Variants in CCDC73 observed in about 807,000 individuals in gnomAD.
CCDC73 encodes coiled-coil domain-containing protein 73.
A neutral mutation model predicts 116.5 loss-of-function variants in CCDC73; 95 were observed. That is an observed-to-expected ratio of 0.82 (90% CI 0.69 to 0.97). CCDC73 has a LOEUF of 0.97. CCDC73 is among the 50% of genes least tolerant of loss of function. The pLI is 0.00. For synonymous variants in CCDC73, 398 were observed against 401.3 expected (o/e 0.99, Z 0.10); for missense variants, 1,066 against 1,206.8 (o/e 0.88, Z 1.73).
intron 12 of CCDC73, among the ~76,000 whole-genome samples, chr11:32,647,702 CAG>C (rs1251571144): frequency 6.6e-6 from 1 of 151,874 alleles, no homozygotes; most frequent in Non-Finnish European, 1.5e-5. Flanking sequence ...ATTTTTCTGC[CAG>C]AGAGTTAGGC....
At chr11:32,722,525 AACAGTATATAC>A (rs1265395129) in intron 2 of CCDC73, among the ~76,000 whole-genome samples, 1 of 152,204 alleles carries the variant, frequency 6.6e-6, no homozygotes, top group African/African-American at 2.4e-5. Context: ...AATCCATACC[AACAGTATATAC>A]TACAAGATAC....
chr11:32,680,208 AAAGT>A (rs1856130940), intron 7 of CCDC73: 1 of 152,236 alleles, frequency 6.6e-6, no homozygotes, highest in Non-Finnish European at 1.5e-5. Context: ...GCAACAACAA[AAAGT>A]AAGTGGTAAT....
chr11:32,663,845 A>C (rs1247862916), intron 9 of CCDC73, among the ~76,000 whole-genome samples: 3 of 152,160 alleles, frequency 2.0e-5, no homozygotes, highest in Non-Finnish European at 4.4e-5. Flanking sequence ...TTATTTTGAG[A>C]TACATCCCAT....
intron 3 of CCDC73, among the ~76,000 whole-genome samples, chr11:32,714,233 G>C (rs930824391): frequency 2.6e-5 from 4 of 152,052 alleles, no homozygotes; most frequent in African/African-American, 7.2e-5. Flanking sequence ...CCATGACCAA[G>C]AAGGTTACCT....
the CCDC73 span, among the ~76,000 whole-genome samples, chr11:32,811,214 ATCT>A: frequency 6.6e-6 from 1 of 152,148 alleles, no homozygotes; most frequent in Non-Finnish European, 1.5e-5. Context: ...CCCTGATTAC[ATCT>A]TCTCTCCCTT....
intron 2 of CCDC73, among the ~76,000 whole-genome samples, chr11:32,724,367 C>T (rs985588962): frequency 2.6e-5 from 4 of 152,026 alleles, no homozygotes; most frequent in East Asian, 1.9e-4. Flanking sequence ...ATACATACTA[C>T]GTGATAGTAT....
At chr11:32,675,686 T>C (rs942050616) in intron 8 of CCDC73, 42 bp from the exon 9 acceptor site, 25 of 1,444,330 alleles carry the variant, frequency 1.7e-5, no homozygotes, top group Non-Finnish European at 2.1e-5. Context: ...ATATTCAATG[T>C]ATATTTCAAA....
chr11:32,754,259 A>C (rs1850312648), intron 2 of CCDC73, among the ~76,000 whole-genome samples: 1 of 152,228 alleles, frequency 6.6e-6, no homozygotes, highest in South Asian at 2.1e-4. Context: ...GAAATGAAAA[A>C]GGTAATCATT....
intron 2 of CCDC73, among the ~76,000 whole-genome samples, chr11:32,737,157 C>A (rs1850139623): frequency 6.6e-6 from 1 of 151,118 alleles, no homozygotes; most frequent in Admixed American, 6.6e-5. Flanking sequence ...CATATTAAAC[C>A]TCCCCAAAAT....
At chr11:32,733,530 C>T (rs1398918602) in intron 2 of CCDC73, among the ~76,000 whole-genome samples, 2 of 152,186 alleles carry the variant, frequency 1.3e-5, no homozygotes, top group Non-Finnish European at 1.5e-5. Context: ...TTAAGCACTC[C>T]TCAGCAAATG....
At chr11:32,622,608 C>A (rs1396094523) in intron 14 of CCDC73, among the ~76,000 whole-genome samples, 2 of 148,584 alleles carry the variant, frequency 1.3e-5, no homozygotes, top group African/African-American at 5.0e-5. Flanking sequence ...ACCACCATGG[C>A]ACACGTATAA....
At chr11:32,817,617 C>T in the CCDC73 span, among the ~76,000 whole-genome samples, 3 of 152,152 alleles carry the variant, frequency 2.0e-5, no homozygotes, top group African/African-American at 7.2e-5. Flanking sequence ...AGTAGGGTTC[C>T]TATGACACTA....
chr11:32,650,950 T>C (rs1020024620), intron 12 of CCDC73, among the ~76,000 whole-genome samples: 7 of 152,136 alleles, frequency 4.6e-5, no homozygotes, highest in African/African-American at 1.4e-4. Flanking sequence ...CTCCCTCTCT[T>C]TCAATTTGTC....
intron 2 of CCDC73, among the ~76,000 whole-genome samples, chr11:32,742,975 G>C (rs945523409): frequency 1.3e-5 from 2 of 152,122 alleles, no homozygotes; most frequent in African/African-American, 4.8e-5. Flanking sequence ...TAGATGTGTG[G>C]TGTTATTTCT....
intron 12 of CCDC73, among the ~76,000 whole-genome samples, chr11:32,648,765 G>A (rs1855801392): frequency 6.6e-6 from 1 of 152,114 alleles, no homozygotes; most frequent in East Asian, 1.9e-4. Flanking sequence ...TGGTCAGGCT[G>A]GTCTCGAATT....
chr11:32,775,922 A>T (rs1200534194), intron 1 of CCDC73, among the ~76,000 whole-genome samples: 1 of 152,174 alleles, frequency 6.6e-6, no homozygotes, highest in Non-Finnish European at 1.5e-5. Flanking sequence ...AACAAATCAA[A>T]ATTTGTACTT....
intron 1 of CCDC73, among the ~76,000 whole-genome samples, chr11:32,781,891 G>A (rs536037363): frequency 1.9e-4 from 29 of 152,224 alleles, no homozygotes; most frequent in African/African-American, 6.5e-4. Flanking sequence ...TGGCCTGTTA[G>A]GAACACCCCA....
chr11:32,709,019 G>A (rs1433145178), intron 3 of CCDC73, among the ~76,000 whole-genome samples: 4 of 151,906 alleles, frequency 2.6e-5, no homozygotes, highest in African/African-American at 4.8e-5. Context: ...ACTTCTCCCC[G>A]TATAATGTTG....
chr11:32,826,913 G>A, the CCDC73 span, among the ~76,000 whole-genome samples: 5 of 152,112 alleles, frequency 3.3e-5, no homozygotes, highest in African/African-American at 1.2e-4. Flanking sequence ...CCAGGCTGGA[G>A]GGCAATGGCG....
Sources: gnomAD v4.1 joint callset for allele counts (sites outside exome capture counted in the v4.1 genomes callset) on GRCh38, gnomAD v4.1.1 for gene constraint, MANE v1.5 for transcripts, NCBI Gene and HGNC (gene_info 2026-07-23, HGNC 2026-07-21) for gene names.